Variants in HSD17B4 observed in about 807,000 individuals in gnomAD.
HSD17B4 encodes the protein peroxisomal multifunctional enzyme type 2.
Under a neutral mutation model 101.0 loss-of-function variants are expected in HSD17B4, and 70 were observed. The ratio of observed to expected loss-of-function variants is 0.69; its 90% CI spans 0.57 to 0.85. The LOEUF is 0.85. Ranked by LOEUF, HSD17B4 falls within the 40% of genes least tolerant of loss-of-function variation. HSD17B4 has a pLI of 0.00. For missense variants in HSD17B4, 984 were observed against 892.4 expected, an observed-to-expected ratio of 1.10 and a Z score of -1.31; for synonymous variants, 347 against 297.1, an observed-to-expected ratio of 1.17 and a Z score of -1.73.
intron 17 of HSD17B4, among the ~76,000 whole-genome samples, chr5:119,515,822 GTTGTATTT>G (rs910254501): frequency 3.9e-5 from 6 of 152,084 alleles, no homozygotes; most frequent in Non-Finnish European, 8.8e-5. Context: ...AAAATTTTTG[GTTGTATTT>G]TAGAAGAGAA....
intron 12 of HSD17B4, among the ~76,000 whole-genome samples, chr5:119,498,153 A>G (rs1164869765): frequency 2.6e-5 from 4 of 152,198 alleles, no homozygotes; most frequent in African/African-American, 9.7e-5. Context: ...ATCATATGCC[A>G]TATTAGATTC....
intron 23 of HSD17B4, among the ~76,000 whole-genome samples, chr5:119,539,922 CAAAAAAA>C (rs35193622): frequency 2.0e-4 from 21 of 105,824 alleles, no homozygotes; most frequent in South Asian, 9.7e-4. Flanking sequence ...CTGTCTCTAC[CAAAAAAA>C]AAAAAAAAAA....
chr5:119,490,692 C>T (rs543358146), intron 9 of HSD17B4, among the ~76,000 whole-genome samples: 1 of 152,236 alleles, frequency 6.6e-6, no homozygotes, highest in Non-Finnish European at 1.5e-5. Flanking sequence ...CCTTAGCCTC[C>T]TGAGTATCTG....
At chr5:119,502,162 A>G (rs2126790544) in intron 14 of HSD17B4, 70 bp downstream of exon 14, 1 of 1,020,632 alleles carries the variant, frequency 9.8e-7, no homozygotes. Context: ...AAACAACATC[A>G]GTGTGTTAAA....
At chr5:119,469,541 A>G (rs1436085786) in intron 2 of HSD17B4, among the ~76,000 whole-genome samples, 1 of 151,806 alleles carries the variant, frequency 6.6e-6, no homozygotes, top group East Asian at 1.9e-4. Context: ...TTTTAGTAGA[A>G]ATGTAGTTTC....
intron 9 of HSD17B4, among the ~76,000 whole-genome samples, chr5:119,491,887 A>T (rs151197119): frequency 6.6e-6 from 1 of 152,076 alleles, no homozygotes; most frequent in African/African-American, 2.4e-5. Flanking sequence ...ATGCATTTCT[A>T]CTTCATTGTA....
chr5:119,531,695 T>A (rs1754131622), intron 22 of HSD17B4, among the ~76,000 whole-genome samples: 2 of 152,102 alleles, frequency 1.3e-5, no homozygotes, highest in African/African-American at 4.8e-5. Context: ...AACAGTCATC[T>A]TGGCTATATG....
At chr5:119,460,803 T>C (rs924281635) in intron 2 of HSD17B4, among the ~76,000 whole-genome samples, 3 of 151,830 alleles carry the variant, frequency 2.0e-5, no homozygotes, top group African/African-American at 7.3e-5. Flanking sequence ...GTAGGTGCTG[T>C]GGAGAAAAAA....
At chr5:119,539,817 C>T (rs1754833072) in intron 23 of HSD17B4, among the ~76,000 whole-genome samples, 1 of 149,564 alleles carries the variant, frequency 6.7e-6, no homozygotes, top group South Asian at 2.1e-4. Context: ...AGGCCAGGGA[C>T]AATGTCTCGT....
intron 14 of HSD17B4, among the ~76,000 whole-genome samples, chr5:119,503,976 TTA>T (rs1305761306): frequency 1.2e-4 from 18 of 152,220 alleles, no homozygotes; most frequent in Non-Finnish European, 2.9e-5. Context: ...GTTCCCATCT[TTA>T]TGTCCACGTG....
chr5:119,461,866 A>G (rs1379035514), intron 2 of HSD17B4, among the ~76,000 whole-genome samples: 2 of 152,198 alleles, frequency 1.3e-5, no homozygotes, highest in Non-Finnish European at 2.9e-5. Context: ...CCTGGGTGAC[A>G]GTGATACCCT....
intron 16 of HSD17B4, among the ~76,000 whole-genome samples, chr5:119,513,514 G>A (rs572291081): frequency 1.2e-3 from 176 of 152,222 alleles, no homozygotes; most frequent in Non-Finnish European, 1.8e-3. Context: ...CTCCCAAGTA[G>A]CTGGGATTAC....
chr5:119,496,235 T>A (rs929066001), intron 11 of HSD17B4, among the ~76,000 whole-genome samples: 5 of 152,168 alleles, frequency 3.3e-5, no homozygotes, highest in East Asian at 1.9e-4. Flanking sequence ...TATTTCACTT[T>A]AAAGGTTGTA....
chr5:119,516,024 T>G (rs770820684), intron 17 of HSD17B4, among the ~76,000 whole-genome samples: 31 of 152,152 alleles, frequency 2.0e-4, no homozygotes, highest in Non-Finnish European at 4.0e-4. Flanking sequence ...GTTAAAAAAT[T>G]TTTTTTGGTA....
At chr5:119,496,476 T>G in intron 11 of HSD17B4, 67 bp from the exon 12 acceptor site, 3 of 859,710 alleles carry the variant, frequency 3.5e-6, no homozygotes, top group African/African-American at 3.3e-5. Flanking sequence ...ATGTAGCATA[T>G]TGTAGCTTTT....
chr5:119,479,156 T>G, intron 8 of HSD17B4, 135 bp downstream of exon 8: 1 of 664,390 alleles, frequency 1.5e-6, no homozygotes, highest in Non-Finnish European at 2.5e-6. Context: ...ATCTGTAAAT[T>G]GTGTTCATTG....
At chr5:119,496,455 T>G in intron 11 of HSD17B4, 88 bp from the exon 12 acceptor site, 1 of 792,190 alleles carries the variant, frequency 1.3e-6, no homozygotes, top group Admixed American at 1.8e-5. Flanking sequence ...CTGAATGTTA[T>G]AGGAATAATT....
intron 2 of HSD17B4, among the ~76,000 whole-genome samples, chr5:119,461,777 C>G (rs1268765866): frequency 2.7e-5 from 4 of 150,322 alleles, no homozygotes; most frequent in African/African-American, 4.9e-5. Context: ...CTTAGCTACT[C>G]AGGAGGCTGA....
chr5:119,455,568 C>CTCTCTA (rs35030315), intron 1 of HSD17B4, among the ~76,000 whole-genome samples: 2,202 of 136,406 alleles, frequency 0.016, 22 homozygotes, highest in African/African-American at 0.03. Context: ...CTCTCTCTCT[C>CTCTCTA]TATATATATA....
Sources: gnomAD v4.1 joint callset for allele counts (sites outside exome capture counted in the v4.1 genomes callset) on GRCh38, gnomAD v4.1.1 for gene constraint, MANE v1.5 for transcripts, NCBI Gene and HGNC (gene_info 2026-07-23, HGNC 2026-07-21) for gene names.